Variants in ALG13 observed in about 807,000 individuals in gnomAD.
ALG13 encodes UDP-N-acetylglucosamine transferase subunit ALG13.
ALG13 carries 11 observed loss-of-function variants against 87.8 expected under a neutral mutation model. The ratio of observed to expected loss-of-function variants is 0.13; its 90% CI spans 0.08 to 0.21. The LOEUF (loss-of-function observed/expected upper bound fraction) is 0.21, where lower values mean the gene tolerates loss of function less well. Ranked by LOEUF, ALG13 falls within the 10% of genes least tolerant of loss-of-function variation. The pLI, the probability that ALG13 is intolerant of heterozygous loss-of-function variation, is 1.00. For missense variants in ALG13, 756 were observed against 866.1 expected (o/e 0.87, Z 1.60); for synonymous variants, 320 against 306.3 (o/e 1.04, Z -0.47).
intron 3 of ALG13, chrX:111,689,541 TGTC>T (rs1198574460): frequency 1.3e-6 from 1 of 753,617 alleles, no homozygotes; most frequent in Non-Finnish European, 1.6e-6. Flanking sequence ...AAGCCGTTGT[TGTC>T]AATTGTGTGC....
chrX:111,703,322 A>G (rs1461531561), intron 3 of ALG13, among the ~76,000 whole-genome samples: 2 of 110,280 alleles, frequency 1.8e-5, no homozygotes. Flanking sequence ...TTTCTTCCCA[A>G]TATTGTTGAC....
At position 111,742,981 on chromosome X, in the gene ALG13, A is replaced by T. The variant is rs28649616; in HGVS notation, c.2696-1687A>T. Among the ~76,000 whole-genome samples the T allele has an allele frequency of 9.1e-3, 1,020 of 112,163 alleles. 17 individuals are homozygous for T. Among genetic ancestry groups the T allele is most frequent in the African/African-American group, 0.03 (939 of 30,894 alleles). On this transcript the variant is annotated intron_variant, in intron 23 of 26. Coordinates refer to ENST00000394780, the MANE Select transcript of ALG13 (RefSeq NM_001099922.3). ...GAGGATGAGAAGCTCATGCATCTCT[A>T]TAGAAACTTGAAATTGTAAAAGCTT... is the stretch of plus-strand genomic sequence containing the variant.
chrX:111,729,203 G>A (rs762766169), intron 19 of ALG13, among the ~76,000 whole-genome samples: 3 of 110,965 alleles, frequency 2.7e-5, no homozygotes, highest in Middle Eastern at 4.6e-3. Flanking sequence ...CACACACATA[G>A]CCTTAACAGT....
chrX:111,683,770 A>C (rs190083901), intron 2 of ALG13, among the ~76,000 whole-genome samples: 91 of 111,830 alleles, frequency 8.1e-4, no homozygotes, highest in African/African-American at 2.7e-3. Flanking sequence ...ATTGATCCTA[A>C]TATTCTATAT....
intron 13 of ALG13, 131 bp from the exon 14 acceptor site, chrX:111,723,667 C>T: frequency 2.3e-6 from 1 of 432,684 alleles, no homozygotes; most frequent in Non-Finnish European, 4.0e-6. Context: ...CTCCATTGAT[C>T]CAGACTGGCA....
chrX:111,715,103 T>C (rs1940372431), intron 8 of ALG13, among the ~76,000 whole-genome samples: 1 of 112,069 alleles, frequency 8.9e-6, no homozygotes, highest in Non-Finnish European at 1.9e-5. Flanking sequence ...AAATGTCTTG[T>C]GTATCTTACA....
chrX:111,684,918 T>G (rs1030184920), intron 2 of ALG13, 47 bp from the exon 3 acceptor site: 1 of 1,154,261 alleles, frequency 8.7e-7, no homozygotes, highest in Admixed American at 2.7e-5. Flanking sequence ...CGTGGGGACC[T>G]TAACTTATTT....
In ALG13 at chrX:111,727,034, G is replaced by A. The variant is rs372209528; in HGVS notation, c.1955G>A (p.Gly652Asp). 3.1e-5 allele frequency: 37 copies of A among 1,209,345 alleles called. No individual in the cohort carries two copies. The African/African-American group carries it at 5.8e-4, about 19-fold the overall frequency. ...FHPQHPSPRQ[G>D]RGYGMPRNSS... is the part of the protein sequence containing the mutation. Reference sequence around the variant, plus strand: ...CCTCAGCATCCATCTCCGAGACAAGGTCGGGGATATGGGATGCCCAGGTAA... The same window carrying A: ...CCTCAGCATCCATCTCCGAGACAAGATCGGGGATATGGGATGCCCAGGTAA... The change falls in exon 16 of 27, where the codon GGT becomes GAT. Residue 652 changes from glycine to aspartate, a missense_variant. Transcript: ENST00000394780.
chrX:111,689,141 CTG>C, intron 3 of ALG13: 1 of 677,224 alleles, frequency 1.5e-6, no homozygotes, highest in Non-Finnish European at 1.8e-6. Flanking sequence ...AAGAAATACT[CTG>C]GGTAGCAGGA....
chrX:111,737,002 C>T, intron 23 of ALG13, 123 bp downstream of exon 23: 1 of 598,997 alleles, frequency 1.7e-6, no homozygotes, highest in Non-Finnish European at 2.4e-6. Flanking sequence ...ATTTAACCTA[C>T]TTAATTATGT....
chrX:111,757,634 T>TGCA lies in ALG13; in HGVS notation c.3029_3031dup (p.Gln1010dup). 1 of 1,209,791 alleles carries TGCA rather than the reference T, an allele frequency of 8.3e-7. No homozygotes were observed. The highest frequency in any genetic ancestry group is 1.1e-6 in the Non-Finnish European group (1 of 894,500). ...CACTCCATGGTCTATGTGCCACAGATGCAGCAGCAGCTTCATGTAGAGAAT... is the reference window on the plus strand; with the variant it reads ...CACTCCATGGTCTATGTGCCACAGATGCAGCAGCAGCAGCTTCATGTAGAGAAT... On this transcript the variant is annotated inframe_insertion, in exon 26 of 27. Coordinates refer to ENST00000394780, the MANE Select transcript of ALG13 (RefSeq NM_001099922.3).
chrX:111,719,025 CTTTTTTT>C (rs1174274292), intron 10 of ALG13, among the ~76,000 whole-genome samples: 120 of 82,411 alleles, frequency 1.5e-3, no homozygotes, highest in South Asian at 0.011. Flanking sequence ...AATTTTTTTT[CTTTTTTT>C]TTTTTTTTTT....
At chrX:111,747,318 C>CAAT (rs959513087) in intron 24 of ALG13, among the ~76,000 whole-genome samples, 1 of 112,030 alleles carries the variant, frequency 8.9e-6, no homozygotes, top group African/African-American at 3.2e-5. Context: ...TGCAGTCATG[C>CAAT]AATATATAGC....
intron 8 of ALG13, among the ~76,000 whole-genome samples, chrX:111,713,721 T>G (rs1367616668): frequency 8.9e-6 from 1 of 112,103 alleles, no homozygotes; most frequent in Non-Finnish European, 1.9e-5. Context: ...TCTCACTTTG[T>G]GCTCCCTTAG....
chrX:111,724,312 T>G (rs941288217), intron 14 of ALG13, among the ~76,000 whole-genome samples: 4 of 111,898 alleles, frequency 3.6e-5, no homozygotes, highest in Non-Finnish European at 5.6e-5. Flanking sequence ...TCTCTAAAGT[T>G]TCTGATTCAG....
intron 3 of ALG13, 103 bp downstream of exon 3, chrX:111,685,206 C>A: frequency 1.1e-6 from 1 of 883,704 alleles, no homozygotes; most frequent in Non-Finnish European, 1.6e-6. Context: ...CTCTTACCTT[C>A]TCCCAGTTAC....
intron 2 of ALG13, among the ~76,000 whole-genome samples, chrX:111,684,655 GTCACAAGGCTATACCCCA>G (rs936337859): frequency 8.9e-6 from 1 of 111,930 alleles, no homozygotes; most frequent in Non-Finnish European, 1.9e-5. Context: ...GTTATACCCC[GTCACAAGGCTATACCCCA>G]TCGTAAGTTG....
intron 23 of ALG13, among the ~76,000 whole-genome samples, chrX:111,740,458 C>T (rs909155349): frequency 6.3e-5 from 7 of 111,095 alleles, no homozygotes; most frequent in African/African-American, 2.0e-4. Flanking sequence ...TATGTTTCCT[C>T]GCTGTGTCCA....
At chrX:111,708,937 A>G (rs1228859702) in intron 4 of ALG13, 28 bp from the exon 5 acceptor site, 5 of 1,059,220 alleles carry the variant, frequency 4.7e-6, no homozygotes, top group Middle Eastern at 2.5e-4. Flanking sequence ...GACTACTGAC[A>G]GTGGGCTGGT....
Sources: gnomAD v4.1 joint callset for allele counts (sites outside exome capture counted in the v4.1 genomes callset) on GRCh38, gnomAD v4.1.1 for gene constraint, MANE v1.5 for transcripts, NCBI Gene and HGNC (gene_info 2026-07-23, HGNC 2026-07-21) for gene names.